Variants in VCPIP1 observed in about 807,000 individuals in gnomAD.
VCPIP1 encodes valosin containing protein interacting protein 1.
A neutral mutation model predicts 85.0 loss-of-function variants in VCPIP1; 8 were observed. The observed-to-expected ratio is 0.09, with a 90% CI of 0.06 to 0.17. The LOEUF is 0.17. VCPIP1 is among the 10% of genes least tolerant of loss of function. The probability of loss-of-function intolerance (pLI) is 1.00; values close to 1 mark genes in which losing one functional copy is unlikely to be tolerated. For missense variants in VCPIP1, 1,070 were observed against 1,486.3 expected, an observed-to-expected ratio of 0.72 and a Z score of 4.61; for synonymous variants, 543 against 544.5, an observed-to-expected ratio of 1.00 and a Z score of 0.04.
chr8:66,644,226 C>T (rs1285368294), intron 2 of VCPIP1, among the ~76,000 whole-genome samples: 1 of 152,102 alleles, frequency 6.6e-6, no homozygotes, highest in Non-Finnish European at 1.5e-5. Context: ...AAAGAGGAGG[C>T]AATGCTTCTC....
intron 2 of VCPIP1, among the ~76,000 whole-genome samples, chr8:66,645,759 C>CAAAAAAAAA (rs1179669993): frequency 1.7e-5 from 1 of 57,462 alleles, no homozygotes. Context: ...CCTGTCTCTA[C>CAAAAAAAAA]AAAAAAAAAA....
rs772336738 is a variant in VCPIP1, at chr8:66,666,936, G to A, written c.23C>T (p.Pro8Leu). MSQPPPP[P>L]PPLPPPPPPP... ...AGGAGGTGGCGGCGGCAACGGAGGC[G>A]GCGGCGGCGGCGGCTGAGACATAGC... The change falls in exon 1 of 3, where the codon CCG (proline) becomes CTG (leucine). Residue 8 changes from proline to leucine, a missense_variant. By Grantham distance (98) the Pro-to-Leu change is moderately conservative. Coordinates refer to ENST00000310421, the MANE Select transcript of VCPIP1 (RefSeq NM_025054.5). The surrounding 1 kb of genome is among the most constrained non-coding windows in gnomAD (Gnocchi z 6.3). 3 of 1,573,802 alleles carry A rather than the reference G, an allele frequency of 1.9e-6. No homozygotes were observed. Among genetic ancestry groups the A allele is most frequent in the African/African-American group, 1.4e-5 (1 of 72,712 alleles).
At chr8:66,660,809 C>G (rs1448821470) in intron 1 of VCPIP1, among the ~76,000 whole-genome samples, 1 of 151,970 alleles carries the variant, frequency 6.6e-6, no homozygotes, top group Non-Finnish European at 1.5e-5. Context: ...TTTGGGAGGC[C>G]GAGGAGGGCG....
In VCPIP1 at chr8:66,640,811, G is replaced by C. The variant is rs113632306; in HGVS notation, c.2798-5439C>G. ...CCTTTCCAGCTCCCCACCCCACTGAGAGCCACCTCCACCACTCAAAAAAAT... is the reference window on the plus strand; with the variant it reads ...CCTTTCCAGCTCCCCACCCCACTGACAGCCACCTCCACCACTCAAAAAAAT... On this transcript the variant is annotated intron_variant, in intron 2 of 2. Coordinates refer to ENST00000310421, the MANE Select transcript of VCPIP1 (RefSeq NM_025054.5). Among the ~76,000 whole-genome samples the C allele has an allele frequency of 8.7e-3, 1,331 of 152,180 alleles. 21 individuals are homozygous for C. Among genetic ancestry groups the C allele is most frequent in the African/African-American group, 0.029 (1,221 of 41,502 alleles).
At chr8:66,662,709 G>A (rs940615578) in intron 1 of VCPIP1, among the ~76,000 whole-genome samples, 1 of 151,532 alleles carries the variant, frequency 6.6e-6, no homozygotes, top group Non-Finnish European at 1.5e-5. Context: ...TTGAGACAGA[G>A]TCTCGCTCTG....
At chr8:66,641,301 T>C (rs1395854175) in intron 2 of VCPIP1, among the ~76,000 whole-genome samples, 1 of 152,178 alleles carries the variant, frequency 6.6e-6, no homozygotes, top group African/African-American at 2.4e-5. Flanking sequence ...ATATGACAAC[T>C]CTATTGAGAT....
Position 66,664,586 on chromosome 8 carries a change from A to C in VCPIP1, c.2373T>G (p.Leu791=). Reference sequence around the variant, plus strand: ...GTTCAAAAAAGGTTGTTGAAGACTTAAGGGTAACCATGGACTGTCGTCCAT... The same window carrying C: ...GTTCAAAAAAGGTTGTTGAAGACTTCAGGGTAACCATGGACTGTCGTCCAT... The part of the protein sequence containing the change: ...TNDGRQSMVT[L]KSSTTFFELQ... Residue 791 remains leucine, a synonymous_variant, in exon 1 of 3, where the codon CTT becomes CTG. Coordinates refer to ENST00000310421, the MANE Select transcript of VCPIP1 (RefSeq NM_025054.5). 1 of 1,614,202 alleles carries C rather than the reference A, an allele frequency of 6.2e-7. No individual in the cohort carries two copies. The highest frequency in any genetic ancestry group is 1.1e-5 in the South Asian group (1 of 91,080).
chr8:66,649,450 A>T (rs984883913), intron 2 of VCPIP1, among the ~76,000 whole-genome samples: 3 of 152,148 alleles, frequency 2.0e-5, no homozygotes, highest in Non-Finnish European at 4.4e-5. Flanking sequence ...TCAAGGCTGC[A>T]GTGAGCTATA....
chr8:66,643,884 C>CA (rs35921029), intron 2 of VCPIP1, among the ~76,000 whole-genome samples: 7,276 of 70,178 alleles, frequency 0.1, 326 homozygotes, highest in Middle Eastern at 0.16. Flanking sequence ...AATGGACAGC[C>CA]AAAAAAAAAA....
At position 66,664,373 on chromosome 8, in the gene VCPIP1, T is replaced by C; in HGVS notation, c.2586A>G (p.Ala862=). 6.2e-7 allele frequency: 1 copy of C among 1,613,926 alleles called. No individual in the cohort carries two copies. The highest frequency in any genetic ancestry group is 2.2e-5 in the East Asian group (1 of 44,880). Residue 862 remains alanine (A), a synonymous_variant, in exon 1 of 3, where the codon GCA becomes GCG. Transcript: ENST00000310421. ...GTTTCACAGTGTGGGCTGAGTGTGC[T>C]GCAGCAGACTGACCACCTTCAGCTT... ...KSKAEGGQSA[A]AHSAHTVKQE... is the part of the protein sequence containing the mutation.
chr8:66,628,804 G>C lies in VCPIP1; in HGVS notation c.*5697C>G, dbSNP rs1431755670. ...TTGTCCCATCAGCACTATGCCCTCT[G>C]CAAGTAAGACTATGACGACAATGGT... On this transcript the variant is annotated 3_prime_UTR_variant, in exon 3 of 3. Coordinates refer to ENST00000310421, the MANE Select transcript of VCPIP1 (RefSeq NM_025054.5). 4 of 152,312 alleles carry C rather than the reference G, an allele frequency of 2.6e-5. No homozygotes were observed. In the East Asian group the frequency reaches 7.7e-4, roughly 29 times the overall value. The allele number at this position is 152,312 out of a possible 1,614,324, so 9.4% of individuals were successfully genotyped here. A position where few individuals can be genotyped will look rare whatever the true frequency, so the allele number is the denominator to read the frequency against.
chr8:66,640,499 C>A (rs925357803), intron 2 of VCPIP1, among the ~76,000 whole-genome samples: 2 of 152,178 alleles, frequency 1.3e-5, no homozygotes, highest in Non-Finnish European at 2.9e-5. Flanking sequence ...CTAGTGGAGG[C>A]CCACCCTCAA....
In VCPIP1 at chr8:66,666,111, A is replaced by T; in HGVS notation, c.848T>A (p.Val283Asp). ...CDPLFVPPEG[V>D]PLGLRNIHIF... is the part of the protein sequence containing the mutation. Reference sequence around the variant, plus strand: ...GTGGATATTCCTCAGGCCCAAGGGAACACCCTCAGGTGGTACAAACAGAGG... The same window carrying T: ...GTGGATATTCCTCAGGCCCAAGGGATCACCCTCAGGTGGTACAAACAGAGG... Residue 283 changes from valine to aspartate, a missense_variant, in exon 1 of 3, where the codon GTT (valine) becomes GAT (aspartate). Transcript: ENST00000310421. The surrounding 1 kb of genome is among the most constrained non-coding windows in gnomAD (Gnocchi z 6.3). 1 of 1,614,200 alleles carries T rather than the reference A, an allele frequency of 6.2e-7. No homozygotes were observed. Among genetic ancestry groups the T allele is most frequent in the Non-Finnish European group, 8.5e-7 (1 of 1,180,032 alleles).
rs187235095 is a variant in VCPIP1, at chr8:66,652,597, G to A, written c.2711-1053C>T. ...CATTGCACTCTAGCCTGTGCTACAA[G>A]AGCAAAACTCTATCTCAAAAAAAAA... is the stretch of plus-strand genomic sequence containing the variant. On this transcript the variant is annotated intron_variant, in intron 1 of 2. Transcript: ENST00000310421. Among the ~76,000 whole-genome samples the A allele has an allele frequency of 8.9e-3, 1,322 of 147,914 alleles. 11 individuals carry two copies. The highest frequency in any genetic ancestry group is 0.021 in the Middle Eastern group (6 of 288).
Position 66,666,521 on chromosome 8 carries a change from G to A in VCPIP1, c.438C>T (p.Ala146=). Residue 146 remains alanine, a synonymous_variant, in exon 1 of 3, where the codon GCC becomes GCT. Coordinates refer to ENST00000310421, the MANE Select transcript of VCPIP1 (RefSeq NM_025054.5). This position sits in a 1 kb window ranked among gnomAD's most constrained non-coding sequence, Gnocchi z 6.3. The part of the protein sequence containing the change: ...RYGMDKQTGR[A]KLLRDMNQGE... ...CCTGGTTCATGTCCCGGAGAAGCTT[G>A]GCCCGGCCTGTCTGTTTGTCCATTC... The A allele has an allele frequency of 1.2e-6, 2 of 1,614,178 alleles. No individual in the cohort carries two copies. Among genetic ancestry groups the A allele is most frequent in the Non-Finnish European group, 1.7e-6 (2 of 1,180,032 alleles).
Position 66,664,487 on chromosome 8 carries a change from T to C in VCPIP1, c.2472A>G (p.Lys824=), listed in dbSNP as rs1317343446. 1 of 1,614,162 alleles carries C rather than the reference T, an allele frequency of 6.2e-7. No individual in the cohort carries two copies. Among genetic ancestry groups the C allele is most frequent in the Non-Finnish European group, 8.5e-7 (1 of 1,180,046 alleles). Residue 824 remains lysine (K), a synonymous_variant, in exon 1 of 3, where the codon AAA becomes AAG. Coordinates refer to ENST00000310421, the MANE Select transcript of VCPIP1 (RefSeq NM_025054.5). ...LQCIRYGFPP[K]ELMPPQAGME... ...TTCCTGCCTGTGGTGGCATTAACTC[T>C]TTAGGAGGAAACCCGTATCGAATAC...
chr8:66,636,763 AAAT>A, intron 2 of VCPIP1, among the ~76,000 whole-genome samples: 1 of 151,954 alleles, frequency 6.6e-6, no homozygotes, highest in South Asian at 2.1e-4. Context: ...AAATTCAGAT[AAAT>A]AATGCTTGAA....
chr8:66,661,147 T>G (rs1444967877), intron 1 of VCPIP1, among the ~76,000 whole-genome samples: 1 of 152,188 alleles, frequency 6.6e-6, no homozygotes, highest in Non-Finnish European at 1.5e-5. Context: ...CACTTAATAC[T>G]TCAATTTAAA....
chr8:66,635,496 CA>C, intron 2 of VCPIP1, 124 bp from the exon 3 acceptor site: 1 of 1,017,932 alleles, frequency 9.8e-7, no homozygotes, highest in East Asian at 2.7e-5. Context: ...GCTTTCAAAA[CA>C]AAATTCATTC....
Sources: allele counts gnomAD v4.1 joint callset (sites outside exome capture counted in the v4.1 genomes callset), GRCh38; gene constraint gnomAD v4.1.1; non-coding constraint Gnocchi (gnomAD v3.1); transcripts MANE v1.5; gene names NCBI Gene and HGNC (gene_info 2026-07-23, HGNC 2026-07-21).